Variants in ADCK1 observed in about 807,000 individuals in gnomAD.
ADCK1 encodes aarF domain-containing protein kinase 1.
ADCK1 carries 41 observed loss-of-function variants against 52.3 expected under a neutral mutation model. The ratio of observed to expected loss-of-function variants is 0.78; its 90% confidence interval spans 0.61 to 1.02. ADCK1 has a LOEUF of 1.02. ADCK1 is among the 50% of genes least tolerant of loss of function. The probability of loss-of-function intolerance (pLI) is 0.00; values close to 1 mark genes in which losing one functional copy is unlikely to be tolerated. For synonymous variants in ADCK1, 250 were observed against 274.6 expected, an observed-to-expected ratio of 0.91 and a Z score of 0.89; for missense variants, 658 against 679.5, an observed-to-expected ratio of 0.97 and a Z score of 0.35.
chr14:77,905,059 CA>C (rs1391402226), intron 6 of ADCK1, among the ~76,000 whole-genome samples: 2 of 152,028 alleles, frequency 1.3e-5, no homozygotes, highest in Non-Finnish European at 2.9e-5. Context: ...TATGTCTGTC[CA>C]GGGGCACCTG....
chr14:77,915,746 A>G lies in ADCK1; in HGVS notation c.858+7827A>G, dbSNP rs115659126. ...GAGTTCCTGGAAATTTATTTCCTCCACAGCAAAGGTGTCAGGAGTGAGTAA... is the reference window on the plus strand; with the variant it reads ...GAGTTCCTGGAAATTTATTTCCTCCGCAGCAAAGGTGTCAGGAGTGAGTAA... On this transcript the variant is annotated intron_variant, in intron 7 of 10. Coordinates refer to ENST00000238561, the MANE Select transcript of ADCK1 (RefSeq NM_020421.4). Among the ~76,000 whole-genome samples the G allele has an allele frequency of 6.1e-3, 936 of 152,296 alleles. 12 individuals carry two copies. Among genetic ancestry groups the G allele is most frequent in the African/African-American group, 0.022 (907 of 41,566 alleles).
intron 9 of ADCK1, among the ~76,000 whole-genome samples, chr14:77,926,289 A>G (rs1486982874): frequency 6.6e-6 from 1 of 152,102 alleles, no homozygotes; most frequent in African/African-American, 2.4e-5. Flanking sequence ...GCCTTCCCCA[A>G]GTTCTCCCAC....
intron 1 of ADCK1, among the ~76,000 whole-genome samples, chr14:77,811,490 C>A (rs374690489): frequency 5.3e-5 from 8 of 152,006 alleles, no homozygotes; most frequent in African/African-American, 1.7e-4. Flanking sequence ...TCATGATCTC[C>A]GTCAGTACAC....
intron 8 of ADCK1, among the ~76,000 whole-genome samples, chr14:77,925,330 G>C (rs987214969): frequency 1.3e-5 from 2 of 152,240 alleles, no homozygotes; most frequent in Admixed American, 1.3e-4. Context: ...GCCAGGCTCT[G>C]CCTCCCAAGC....
At chr14:77,818,232 C>T (rs1181138038) in intron 1 of ADCK1, among the ~76,000 whole-genome samples, 1 of 152,094 alleles carries the variant, frequency 6.6e-6, no homozygotes, top group Non-Finnish European at 1.5e-5. Flanking sequence ...TTAACCTGCT[C>T]TTCTGCTTTG....
At chr14:77,925,053 C>T (rs2084157103) in intron 8 of ADCK1, among the ~76,000 whole-genome samples, 1 of 152,206 alleles carries the variant, frequency 6.6e-6, no homozygotes, top group South Asian at 2.1e-4. Context: ...CCTCAGGATG[C>T]AGATCTGGTT....
rs757619985 is a variant in ADCK1 at position 77,822,491 on chromosome 14, A to G, written c.192A>G (p.Ser64=). The change falls in exon 3 of 11, where the codon TCA becomes TCG. Residue 64 remains serine (S), a synonymous_variant. Transcript: ENST00000238561. ...LTSLKSVPYG[S]EEYLQLRSKV... ...CCCTGAAGAGTGTCCCTTATGGCTCAGAGGAGTACTTGCAGCTGAGATCTA... is the reference window on the plus strand; with the variant it reads ...CCCTGAAGAGTGTCCCTTATGGCTCGGAGGAGTACTTGCAGCTGAGATCTA... 3.7e-6 allele frequency: 6 copies of G among 1,614,054 alleles called. No individual in the cohort carries two copies. In the East Asian group the frequency reaches 1.1e-4, roughly 30 times the overall value.
intron 3 of ADCK1, 135 bp from the exon 4 acceptor site, chr14:77,858,941 C>T (rs1356814811): frequency 5.6e-5 from 41 of 733,556 alleles, no homozygotes; most frequent in South Asian, 1.1e-4. Flanking sequence ...TGTGTGTGTG[C>T]GTGTGTGTGC....
chr14:77,902,304 G>A (rs1270991553), intron 6 of ADCK1: 1 of 152,238 alleles, frequency 6.6e-6, no homozygotes, highest in Non-Finnish European at 1.5e-5. Flanking sequence ...GGTGAGGGTT[G>A]GGTACGTCTC....
At chr14:77,807,293 C>T (rs983296048) in intron 1 of ADCK1, among the ~76,000 whole-genome samples, 5 of 150,810 alleles carry the variant, frequency 3.3e-5, no homozygotes, top group African/African-American at 1.2e-4. Context: ...TGGTCTCGAT[C>T]TCCTGACCTC....
chr14:77,860,790 G>T (rs1193205444), intron 4 of ADCK1, among the ~76,000 whole-genome samples: 1 of 152,204 alleles, frequency 6.6e-6, no homozygotes, highest in African/African-American at 2.4e-5. Context: ...AACAGCACGA[G>T]ATTCACCCCC....
At chr14:77,849,516 A>G (rs2082240549) in intron 3 of ADCK1, among the ~76,000 whole-genome samples, 1 of 152,020 alleles carries the variant, frequency 6.6e-6, no homozygotes, top group Admixed American at 6.5e-5. Flanking sequence ...ATCATGGCTC[A>G]CTACAACCTT....
At chr14:77,816,906 A>AT (rs1555346951) in intron 1 of ADCK1, among the ~76,000 whole-genome samples, 1 of 146,002 alleles carries the variant, frequency 6.8e-6, no homozygotes, top group Admixed American at 6.9e-5. Flanking sequence ...ATATATATTT[A>AT]AAAAATGTGG....
At chr14:77,876,934 G>A (rs1324793098) in intron 4 of ADCK1, among the ~76,000 whole-genome samples, 2 of 152,232 alleles carry the variant, frequency 1.3e-5, no homozygotes. Flanking sequence ...GAGCTTTGGG[G>A]CTGGGTGCAG....
At chr14:77,803,108 C>T (rs543758462) in intron 1 of ADCK1, among the ~76,000 whole-genome samples, 16 of 152,244 alleles carry the variant, frequency 1.1e-4, no homozygotes, top group African/African-American at 3.9e-4. Flanking sequence ...TGGTATCATT[C>T]ACTTTGTGTG....
chr14:77,891,871 C>T (rs1015944747), intron 5 of ADCK1, among the ~76,000 whole-genome samples: 2 of 152,148 alleles, frequency 1.3e-5, no homozygotes, highest in African/African-American at 2.4e-5. Flanking sequence ...CTGGAAAGCT[C>T]GTACTTGAAG....
At chr14:77,930,273 G>C (rs148326878) in intron 9 of ADCK1, among the ~76,000 whole-genome samples, 22 of 152,322 alleles carry the variant, frequency 1.4e-4, no homozygotes, top group African/African-American at 4.8e-4. Context: ...AAGTTTTGCA[G>C]TGACTCTGTT....
chr14:77,868,284 AG>A (rs1437162961), intron 4 of ADCK1, among the ~76,000 whole-genome samples: 1 of 152,172 alleles, frequency 6.6e-6, no homozygotes, highest in Admixed American at 6.5e-5. Flanking sequence ...ACTAGAACCC[AG>A]GTCTCCTGAT....
Position 77,925,826 on chromosome 14 carries a change from C to T in ADCK1, c.1071C>T (p.Asp357=). ...CHLWQSLIWT[D]MKRVKEYSQR... is the part of the protein sequence containing the mutation. Reference sequence around the variant, plus strand: ...TCTGGCAGTCTCTGATCTGGACTGACATGAAGAGAGTGAAGGAGTACAGCC... The same window carrying T: ...TCTGGCAGTCTCTGATCTGGACTGATATGAAGAGAGTGAAGGAGTACAGCC... The change falls in exon 9 of 11, where the codon GAC becomes GAT. Residue 357 remains aspartate, a synonymous_variant. Coordinates refer to ENST00000238561, the MANE Select transcript of ADCK1 (RefSeq NM_020421.4). 1.2e-6 allele frequency: 2 copies of T among 1,614,186 alleles called. No homozygotes were observed. Among genetic ancestry groups the T allele is most frequent in the Non-Finnish European group, 1.7e-6 (2 of 1,180,024 alleles).
Sources: allele counts gnomAD v4.1 joint callset (sites outside exome capture counted in the v4.1 genomes callset), GRCh38; gene constraint gnomAD v4.1.1; transcripts MANE v1.5; gene names NCBI Gene and HGNC (gene_info 2026-07-23, HGNC 2026-07-21).